Variants in ZNF362 observed in about 807,000 individuals in gnomAD.
The protein encoded by ZNF362 is rotund homolog.
A neutral mutation model predicts 42.9 loss-of-function variants in ZNF362; 11 were observed. The ratio of observed to expected loss-of-function variants is 0.26; its 90% CI spans 0.16 to 0.42. The LOEUF is 0.42. Among genes scored for constraint, ZNF362 ranks in the 20% least tolerant of loss-of-function variants. The probability of loss-of-function intolerance (pLI) is 1.00; values close to 1 mark genes in which losing one functional copy is unlikely to be tolerated. For synonymous variants in ZNF362, 255 were observed against 257.3 expected, an observed-to-expected ratio of 0.99 and a Z score of 0.09; for missense variants, 362 against 576.2, an observed-to-expected ratio of 0.63 and a Z score of 3.81.
At chr1:33,292,765 T>C (rs566437778) in intron 6 of ZNF362, among the ~76,000 whole-genome samples, 3 of 152,264 alleles carry the variant, frequency 2.0e-5, no homozygotes, top group South Asian at 4.1e-4. Context: ...GATTAGGTGA[T>C]GGGGAGCCTA....
intron 6 of ZNF362, among the ~76,000 whole-genome samples, chr1:33,288,488 C>T (rs1646047678): frequency 6.6e-6 from 1 of 151,980 alleles, no homozygotes; most frequent in African/African-American, 2.4e-5. Flanking sequence ...CCTGTAATCC[C>T]AGCACTTTAG....
chr1:33,275,822 G>C (rs1002087775), intron 2 of ZNF362, among the ~76,000 whole-genome samples: 6 of 152,142 alleles, frequency 3.9e-5, no homozygotes, highest in African/African-American at 1.4e-4. Context: ...GGTGATAGGG[G>C]TGGGAGCTGG....
chr1:33,205,981 A>G, the ZNF362 span, among the ~76,000 whole-genome samples: 1 of 152,304 alleles, frequency 6.6e-6, no homozygotes, highest in South Asian at 2.1e-4. Context: ...GATTCCAAAT[A>G]TAGACCCGTG....
At chr1:33,286,370 T>G (rs1167533219) in intron 6 of ZNF362, among the ~76,000 whole-genome samples, 1 of 151,580 alleles carries the variant, frequency 6.6e-6, no homozygotes, top group Non-Finnish European at 1.5e-5. Flanking sequence ...TGTTTAAAAA[T>G]ATTATTTGAG....
At chr1:33,218,874 C>CA in the ZNF362 span, among the ~76,000 whole-genome samples, 1 of 150,924 alleles carries the variant, frequency 6.6e-6, no homozygotes, top group African/African-American at 2.4e-5. Context: ...TGGAGGGCAG[C>CA]AGTGGCAGCA....
the ZNF362 span, among the ~76,000 whole-genome samples, chr1:33,246,271 GA>G: frequency 3.3e-5 from 5 of 152,192 alleles, no homozygotes; most frequent in African/African-American, 4.8e-5. Flanking sequence ...GGGTGGCTGG[GA>G]CCAGGCAGGG....
intron 6 of ZNF362, among the ~76,000 whole-genome samples, chr1:33,282,550 G>T (rs1034048846): frequency 1.5e-3 from 232 of 152,252 alleles, no homozygotes; most frequent in Non-Finnish European, 3.0e-3. Flanking sequence ...GGCTGGGTGC[G>T]GTGGCTCACA....
At chr1:33,176,684 C>T in the ZNF362 span, 1 of 410,078 alleles carries the variant, frequency 2.4e-6, no homozygotes, top group African/African-American at 2.0e-5. Context: ...AGACAATTAC[C>T]CAGCCCTCAG....
chr1:33,209,337 G>T, the ZNF362 span, among the ~76,000 whole-genome samples: 34 of 152,302 alleles, frequency 2.2e-4, no homozygotes, highest in Admixed American at 2.2e-3. Context: ...TTTTATTAAG[G>T]ATTTTTGCAT....
chr1:33,296,348 C>T (rs943421248), intron 8 of ZNF362, among the ~76,000 whole-genome samples: 1 of 152,040 alleles, frequency 6.6e-6, no homozygotes. Context: ...AGGGCCATGC[C>T]GTCCTGCATT....
At chr1:33,145,956 G>T in the ZNF362 span, 1 of 470,436 alleles carries the variant, frequency 2.1e-6, no homozygotes, top group Non-Finnish European at 4.4e-6. Context: ...TTAGATTTGG[G>T]AACTGAGTGA....
At chr1:33,136,031 G>A in the ZNF362 span, among the ~76,000 whole-genome samples, 1 of 149,950 alleles carries the variant, frequency 6.7e-6, no homozygotes, top group Admixed American at 6.7e-5. Context: ...ACCCAAGCTT[G>A]TCTGAGCAAA....
chr1:33,227,209 T>C, the ZNF362 span, among the ~76,000 whole-genome samples: 1 of 152,150 alleles, frequency 6.6e-6, no homozygotes, highest in Admixed American at 6.5e-5. Flanking sequence ...TCAATAAAAC[T>C]GTTACTAAGA....
At chr1:33,293,647 A>G (rs1334263917) in intron 6 of ZNF362, among the ~76,000 whole-genome samples, 3 of 152,336 alleles carry the variant, frequency 2.0e-5, no homozygotes, top group Admixed American at 1.3e-4. Flanking sequence ...AAATTAGGCA[A>G]ACAAGGTGCA....
chr1:33,240,536 T>TTGTACATGTACA, the ZNF362 span, among the ~76,000 whole-genome samples: 1 of 152,252 alleles, frequency 6.6e-6, no homozygotes, highest in South Asian at 2.1e-4. Context: ...AAATTCTTAC[T>TTGTACATGTACA]ACTTATCTTT....
At chr1:33,236,550 A>AAAAAAAAAAAAAAAAATAT in the ZNF362 span, among the ~76,000 whole-genome samples, 1 of 5,980 alleles carries the variant, frequency 1.7e-4, no homozygotes, top group African/African-American at 3.9e-4. Flanking sequence ...AAAAAAAAAA[A>AAAAAAAAAAAAAAAAATAT]ATATATATAT....
intron 6 of ZNF362, among the ~76,000 whole-genome samples, chr1:33,286,542 T>G (rs1480821120): frequency 6.6e-6 from 1 of 152,126 alleles, no homozygotes; most frequent in Non-Finnish European, 1.5e-5. Flanking sequence ...GAGTTCATAA[T>G]GGCAGGAAAC....
At chr1:33,221,788 G>T in the ZNF362 span, among the ~76,000 whole-genome samples, 19 of 152,122 alleles carry the variant, frequency 1.2e-4, no homozygotes. Flanking sequence ...GTTCCTAGAG[G>T]GTTAAACAGA....
the ZNF362 span, among the ~76,000 whole-genome samples, chr1:33,247,321 A>T: frequency 6.6e-6 from 1 of 152,250 alleles, no homozygotes. Flanking sequence ...ACTGAGGCAC[A>T]AAGAGGGGAG....
Sources: gnomAD v4.1 joint callset for allele counts (sites outside exome capture counted in the v4.1 genomes callset) on GRCh38, gnomAD v4.1.1 for gene constraint, MANE v1.5 for transcripts, NCBI Gene and HGNC (gene_info 2026-07-23, HGNC 2026-07-21) for gene names.